FBXL7: variants seen among roughly 807,000 people sequenced by gnomAD.
The protein encoded by FBXL7 is F-box/LRR-repeat protein 7.
In FBXL7, 12 loss-of-function variants were observed where a neutral mutation model predicts 38.3. The ratio of observed to expected loss-of-function variants is 0.31; its 90% CI spans 0.20 to 0.51. The LOEUF is 0.51. Ranked by LOEUF, FBXL7 falls within the 20% of genes least tolerant of loss-of-function variation. The pLI, the probability that FBXL7 is intolerant of heterozygous loss-of-function variation, is 0.98. For synonymous variants in FBXL7, 297 were observed against 300.9 expected, an observed-to-expected ratio of 0.99 and a Z score of 0.13; for missense variants, 567 against 676.4, an observed-to-expected ratio of 0.84 and a Z score of 1.79.
chr5:15,747,267 C>A (rs1736039871), intron 2 of FBXL7, among the ~76,000 whole-genome samples: 1 of 152,148 alleles, frequency 6.6e-6, no homozygotes, highest in African/African-American at 2.4e-5. Flanking sequence ...TGTTATTTTG[C>A]TTTTACACGT....
chr5:15,563,552 G>T (rs571843845), intron 1 of FBXL7, among the ~76,000 whole-genome samples: 1 of 152,030 alleles, frequency 6.6e-6, no homozygotes, highest in Non-Finnish European at 1.5e-5. Context: ...TCTCCTGTTT[G>T]AAACAATCCT....
Position 15,671,450 on chromosome 5 carries a change from G to GT in FBXL7, c.127+55389dup, listed in dbSNP as rs59520625. 2.1e-3 allele frequency among the ~76,000 whole-genome samples: 317 copies of GT among 147,756 alleles called. 3 individuals are homozygous for GT. The highest frequency in any genetic ancestry group is 0.016 in the South Asian group (73 of 4,702). ...ATGCTAGGTGAGTTAAACAATTGGT[G>GT]TTTTTTTTTTTGTTTTTTAAAAAAT... On this transcript the variant is annotated intron_variant, in intron 2 of 3. Transcript: ENST00000504595.
chr5:15,832,951 G>A (rs1738496348), intron 2 of FBXL7, among the ~76,000 whole-genome samples: 2 of 152,038 alleles, frequency 1.3e-5, no homozygotes, highest in Admixed American at 1.3e-4. Context: ...CTATTCTCAT[G>A]ATAGTGAATA....
At chr5:15,584,634 C>G (rs1411028988) in intron 1 of FBXL7, among the ~76,000 whole-genome samples, 2 of 152,206 alleles carry the variant, frequency 1.3e-5, no homozygotes, top group African/African-American at 2.4e-5. Context: ...CTTTCTTTCT[C>G]TTTCTGGGCT....
At chr5:15,582,854 A>C (rs1739184400) in intron 1 of FBXL7, among the ~76,000 whole-genome samples, 1 of 152,184 alleles carries the variant, frequency 6.6e-6, no homozygotes, top group Non-Finnish European at 1.5e-5. Flanking sequence ...TCTGACTAAC[A>C]AAACAATTTC....
chr5:15,810,986 A>G (rs1737845288), intron 2 of FBXL7, among the ~76,000 whole-genome samples: 1 of 152,166 alleles, frequency 6.6e-6, no homozygotes, highest in Non-Finnish European at 1.5e-5. Flanking sequence ...AAACACACAA[A>G]TTGATGCTTG....
intron 2 of FBXL7, among the ~76,000 whole-genome samples, chr5:15,687,487 G>C (rs557452812): frequency 2.6e-5 from 4 of 152,178 alleles, no homozygotes; most frequent in Non-Finnish European, 5.9e-5. Flanking sequence ...GTGCTAATTC[G>C]AAATGCAGTT....
At chr5:15,767,881 A>AT (rs1736629777) in intron 2 of FBXL7, among the ~76,000 whole-genome samples, 1 of 152,322 alleles carries the variant, frequency 6.6e-6, no homozygotes, top group South Asian at 2.1e-4. Flanking sequence ...AACAGGAGGA[A>AT]TGGGTGTGCA....
At chr5:15,929,625 GA>G (rs60269538) in intron 3 of FBXL7, among the ~76,000 whole-genome samples, 20,836 of 113,432 alleles carry the variant, frequency 0.18, 2,476 homozygotes, top group African/African-American at 0.37. Context: ...CCCTGTCTCT[GA>G]AAAAAAAAAA....
At chr5:15,793,506 G>A (rs1260733424) in intron 2 of FBXL7, among the ~76,000 whole-genome samples, 1 of 152,138 alleles carries the variant, frequency 6.6e-6, no homozygotes, top group African/African-American at 2.4e-5. Context: ...CGTATTCCAA[G>A]ATCATCATTT....
intron 2 of FBXL7, among the ~76,000 whole-genome samples, chr5:15,813,604 C>T (rs1422501457): frequency 2.0e-5 from 3 of 150,686 alleles, no homozygotes; most frequent in African/African-American, 4.9e-5. Flanking sequence ...AGAGCTTCTG[C>T]ACAGCAAAAG....
At chr5:15,552,470 C>G (rs1738106419) in intron 1 of FBXL7, among the ~76,000 whole-genome samples, 1 of 152,206 alleles carries the variant, frequency 6.6e-6, no homozygotes, top group African/African-American at 2.4e-5. Flanking sequence ...CCTAGATTTC[C>G]CCAATGGGTT....
At chr5:15,641,593 G>A (rs995722375) in intron 2 of FBXL7, among the ~76,000 whole-genome samples, 2 of 151,768 alleles carry the variant, frequency 1.3e-5, no homozygotes, top group African/African-American at 4.8e-5. Flanking sequence ...ATATGATGTC[G>A]GGGTGTGTCT....
At chr5:15,785,430 G>C (rs1240679957) in intron 2 of FBXL7, among the ~76,000 whole-genome samples, 2 of 152,120 alleles carry the variant, frequency 1.3e-5, no homozygotes, top group Non-Finnish European at 2.9e-5. Flanking sequence ...GCAACAACTG[G>C]GTCACCTTTG....
At chr5:15,899,877 T>TAA (rs1428735596) in intron 2 of FBXL7, among the ~76,000 whole-genome samples, 7 of 152,336 alleles carry the variant, frequency 4.6e-5, no homozygotes, top group South Asian at 4.1e-4. Flanking sequence ...TTTAATGCTT[T>TAA]TTAAAGATAC....
At chr5:15,673,735 T>C (rs1157084473) in intron 2 of FBXL7, among the ~76,000 whole-genome samples, 1 of 152,196 alleles carries the variant, frequency 6.6e-6, no homozygotes, top group African/African-American at 2.4e-5. Context: ...CCAAGCCTGA[T>C]CATCTACTTT....
chr5:15,643,442 T>A (rs1741432132), intron 2 of FBXL7, among the ~76,000 whole-genome samples: 1 of 152,176 alleles, frequency 6.6e-6, no homozygotes, highest in African/African-American at 2.4e-5. Context: ...CATGGTGAAG[T>A]CCAAGGCAAG....
intron 2 of FBXL7, among the ~76,000 whole-genome samples, chr5:15,878,286 A>G (rs146545503): frequency 2.6e-5 from 4 of 152,298 alleles, no homozygotes; most frequent in Non-Finnish European, 4.4e-5. Flanking sequence ...AGATGTCAAT[A>G]TTTCTGTCAA....
intron 2 of FBXL7, among the ~76,000 whole-genome samples, chr5:15,674,668 G>C (rs2126602439): frequency 6.6e-6 from 1 of 152,222 alleles, no homozygotes; most frequent in South Asian, 2.1e-4. Context: ...ACTAAATTTA[G>C]AGCTATAACA....
Sources: gnomAD v4.1 joint callset for allele counts (sites outside exome capture counted in the v4.1 genomes callset) on GRCh38, gnomAD v4.1.1 for gene constraint, MANE v1.5 for transcripts, NCBI Gene and HGNC (gene_info 2026-07-23, HGNC 2026-07-21) for gene names.